The following WWP2 variants were observed in gnomAD, a reference collection of about 807,000 sequenced individuals.
WWP2 encodes WW domain containing E3 ubiquitin protein ligase 2.
Under a neutral mutation model 121.0 loss-of-function variants are expected in WWP2, and 57 were observed. That is an observed-to-expected ratio of 0.47 (90% CI 0.38 to 0.59). The LOEUF is 0.59. WWP2 is among the 20% of genes least tolerant of loss of function. The pLI is 0.00. For synonymous variants in WWP2, 449 were observed against 441.3 expected, an observed-to-expected ratio of 1.02 and a Z score of -0.22; for missense variants, 962 against 1,158.9, an observed-to-expected ratio of 0.83 and a Z score of 2.47.
intron 4 of WWP2, among the ~76,000 whole-genome samples, chr16:69,835,866 G>A (rs749522041): frequency 2.0e-5 from 3 of 150,490 alleles, no homozygotes; most frequent in African/African-American, 7.4e-5. Context: ...GTGGTGGCAC[G>A]ATCCTGGCTC....
At chr16:69,897,155 T>TGCAGTGGCGTGGTCTCAGCTCACTGCAGC (rs2058118048) in intron 8 of WWP2, among the ~76,000 whole-genome samples, 1 of 151,776 alleles carries the variant, frequency 6.6e-6, no homozygotes, top group South Asian at 2.1e-4. Context: ...CAGGCTGGAG[T>TGCAGTGGCGTGGTCTCAGCTCACTGCAGC]GCAGTGGCGT....
chr16:69,842,153 A>T, intron 6 of WWP2, 33 bp downstream of exon 6: 1 of 1,598,632 alleles, frequency 6.3e-7, no homozygotes, highest in Non-Finnish European at 8.5e-7. Flanking sequence ...CAAAGAGCTA[A>T]GAAGTTGCTT....
intron 9 of WWP2, among the ~76,000 whole-genome samples, chr16:69,910,986 C>G (rs1300843157): frequency 6.6e-6 from 1 of 152,208 alleles, no homozygotes; most frequent in East Asian, 1.9e-4. Context: ...CTCTAGCTCT[C>G]ATTTCTGCTC....
chr16:69,921,816 G>A (rs960621341), intron 10 of WWP2, among the ~76,000 whole-genome samples: 8 of 152,174 alleles, frequency 5.3e-5, no homozygotes, highest in African/African-American at 2.4e-5. Context: ...GCTCACGCCT[G>A]TAATCCCAGC....
chr16:69,912,218 G>A (rs1010903796), intron 9 of WWP2, among the ~76,000 whole-genome samples: 4 of 152,046 alleles, frequency 2.6e-5, no homozygotes, highest in East Asian at 3.9e-4. Flanking sequence ...GAACCCCAGC[G>A]GCGGAGGTTA....
chr16:69,769,675 T>C lies in WWP2; in HGVS notation c.-16+7284T>C, dbSNP rs116666816. Among the ~76,000 whole-genome samples, 846 of 152,298 alleles carry C rather than the reference T, an allele frequency of 5.6e-3. 7 individuals carry two copies. Among genetic ancestry groups the C allele is most frequent in the African/African-American group, 0.019 (793 of 41,564 alleles). ...TGATATTTGAAGAGCTCTTACTGTG[T>C]GTCCTCTGCTTTACCTGAATTCATG... On this transcript the variant is annotated intron_variant, in intron 1 of 23. Coordinates refer to ENST00000359154, the MANE Select transcript of WWP2 (RefSeq NM_001270454.2).
At chr16:69,847,403 A>ATT (rs535843267) in intron 6 of WWP2, among the ~76,000 whole-genome samples, 43 of 125,704 alleles carry the variant, frequency 3.4e-4, no homozygotes, top group Middle Eastern at 0.01. Flanking sequence ...TATTTTTCTT[A>ATT]TTTTTTTTTT....
Position 69,897,950 on chromosome 16 carries a change from G to A in WWP2, c.914+9701G>A, listed in dbSNP as rs114028911. On this transcript the variant is annotated intron_variant, in intron 8 of 23. Coordinates refer to ENST00000359154, the MANE Select transcript of WWP2 (RefSeq NM_001270454.2). Reference sequence around the variant, plus strand: ...CAAAACAAAACAAAAAAAACACAATGAAACAATGGCTGCAGTAAAGTTTTC... The same window carrying A: ...CAAAACAAAACAAAAAAAACACAATAAAACAATGGCTGCAGTAAAGTTTTC... 7.9e-3 allele frequency among the ~76,000 whole-genome samples: 1,196 copies of A among 151,182 alleles called. 15 individuals carry two copies. The highest frequency in any genetic ancestry group is 0.026 in the African/African-American group (1,084 of 41,286).
chr16:69,798,659 CTTTT>C lies in WWP2; in HGVS notation c.71-21_71-18del. On this transcript the variant is annotated intron_variant, in intron 2 of 23. Coordinates refer to ENST00000359154, the MANE Select transcript of WWP2 (RefSeq NM_001270454.2). ...TGGGAGCCCTGGGACTCATCTTTGA[CTTTT>C]TCTTTCTTTCTCTCCCAGTGGTGTC... 6.2e-7 allele frequency: 1 copy of C among 1,609,170 alleles called. No homozygotes were observed. Among genetic ancestry groups the C allele is most frequent in the African/African-American group, 1.3e-5 (1 of 74,944 alleles).
chr16:69,908,268 G>A (rs1393988598), intron 8 of WWP2, among the ~76,000 whole-genome samples: 2 of 151,982 alleles, frequency 1.3e-5, no homozygotes, highest in African/African-American at 2.4e-5. Flanking sequence ...TAATAGTAAA[G>A]AATCTGTGAC....
chr16:69,887,289 G>C (rs1170426456), intron 7 of WWP2, among the ~76,000 whole-genome samples: 5 of 152,256 alleles, frequency 3.3e-5, no homozygotes, highest in Admixed American at 2.0e-4. Context: ...TGCCTCTTTA[G>C]TGTGTATGAG....
At position 69,936,457 on chromosome 16, in the gene WWP2, G is replaced by A. The variant is rs1471030247; in HGVS notation, c.2117+5G>A. On this transcript the variant is annotated splice_donor_5th_base_variant and intron_variant, in intron 19 of 23. Transcript: ENST00000359154. Reference sequence around the variant, plus strand: ...GAACAAGGAAGAGTACATCATGTGAGTCTCAGGCGCCGGGGGCTCCGCTCC... The same window carrying A: ...GAACAAGGAAGAGTACATCATGTGAATCTCAGGCGCCGGGGGCTCCGCTCC... 1.9e-6 allele frequency: 3 copies of A among 1,613,838 alleles called. No homozygotes were observed. The highest frequency in any genetic ancestry group is 2.5e-6 in the Non-Finnish European group (3 of 1,180,018).
At chr16:69,790,025 C>G (rs2055875542) in intron 2 of WWP2, among the ~76,000 whole-genome samples, 1 of 152,114 alleles carries the variant, frequency 6.6e-6, no homozygotes, top group Non-Finnish European at 1.5e-5. Flanking sequence ...GACAGATTCC[C>G]TGAGGTCAGG....
chr16:69,825,222 C>A (rs1279579540), intron 4 of WWP2, among the ~76,000 whole-genome samples: 1 of 151,274 alleles, frequency 6.6e-6, no homozygotes, highest in Non-Finnish European at 1.5e-5. Context: ...GCTAGGAGTT[C>A]GAGACCAGCC....
At chr16:69,910,114 TCTGTAACCCCCAAC>T (rs1199935312) in intron 9 of WWP2, 1 of 159,022 alleles carries the variant, frequency 6.3e-6, no homozygotes, top group African/African-American at 2.4e-5. Flanking sequence ...TAACTCCCGA[TCTGTAACCCCCAAC>T]CTATCCGCCG....
chr16:69,767,205 G>A (rs2038751556), intron 1 of WWP2, among the ~76,000 whole-genome samples: 1 of 152,140 alleles, frequency 6.6e-6, no homozygotes, highest in Non-Finnish European at 1.5e-5. Context: ...TAGGCCTCCA[G>A]GATGGATGGA....
At chr16:69,857,164 C>A (rs956609420) in intron 6 of WWP2, among the ~76,000 whole-genome samples, 1 of 151,988 alleles carries the variant, frequency 6.6e-6, no homozygotes, top group Non-Finnish European at 1.5e-5. Flanking sequence ...AGTGCAGTGG[C>A]GCCATCTCGG....
rs1008899250 is a variant in WWP2 at position 69,888,047 on chromosome 16, G to A, written c.712G>A (p.Glu238Lys). Residue 238 changes from glutamate to lysine, a missense_variant, in exon 8 of 24, where the codon GAA becomes AAA. Physicochemically the swap from Glu to Lys is moderately conservative, Grantham distance 56 (BLOSUM62 1). Coordinates refer to ENST00000359154, the MANE Select transcript of WWP2 (RefSeq NM_001270454.2). ...SGLANGTVND[E>K]PTTATDPEEP... ...GATTTGTGCATCTTCAGTGAATGAT[G>A]AACCCACAACAGCCACTGATCCCGA... is the stretch of plus-strand genomic sequence containing the variant. The A allele has an allele frequency of 1.2e-6, 2 of 1,614,156 alleles. No homozygotes were observed. The highest frequency in any genetic ancestry group is 1.7e-6 in the Non-Finnish European group (2 of 1,180,022).
Position 69,816,587 on chromosome 16 carries a change from A to G in WWP2, c.340+17292A>G, listed in dbSNP as rs563463559. On this transcript the variant is annotated intron_variant, in intron 4 of 23. Coordinates refer to ENST00000359154, the MANE Select transcript of WWP2 (RefSeq NM_001270454.2). ...TCATAAAATTAAAAACATTATTAGT[A>G]TTTTTCTGATTATTATTATTTCATG... Among the ~76,000 whole-genome samples, 17 of 151,648 alleles carry G rather than the reference A, an allele frequency of 1.1e-4. No homozygotes were observed. The East Asian group carries it at 2.7e-3, about 24-fold the overall frequency.
Sources: gnomAD v4.1 joint callset for allele counts (sites outside exome capture counted in the v4.1 genomes callset) on GRCh38, gnomAD v4.1.1 for gene constraint, MANE v1.5 for transcripts, NCBI Gene and HGNC (gene_info 2026-07-23, HGNC 2026-07-21) for gene names.